Variants in OXR1 observed in about 807,000 individuals in gnomAD.
The protein encoded by OXR1 is oxidation resistance 1, also known as oxidation resistance protein 1.
OXR1 carries 41 observed loss-of-function variants against 104.6 expected under a neutral mutation model. That is an observed-to-expected ratio of 0.39 (90% CI 0.31 to 0.51). The LOEUF (loss-of-function observed/expected upper bound fraction) is 0.51. OXR1 is among the 20% of genes least tolerant of loss of function. The pLI, the probability that OXR1 is intolerant of heterozygous loss-of-function variation, is 0.77. For missense variants in OXR1, 955 were observed against 1,031.9 expected, an observed-to-expected ratio of 0.93 and a Z score of 1.02; for synonymous variants, 348 against 348.4, an observed-to-expected ratio of 1.00 and a Z score of 0.01.
intron 3 of OXR1, among the ~76,000 whole-genome samples, chr8:106,663,909 G>A (rs960813729): frequency 6.6e-6 from 1 of 152,074 alleles, no homozygotes; most frequent in African/African-American, 2.4e-5. Context: ...TAAGAGACCT[G>A]GAGTGTACCA....
At chr8:106,593,223 G>T (rs1470489345) in intron 3 of OXR1, among the ~76,000 whole-genome samples, 2 of 152,072 alleles carry the variant, frequency 1.3e-5, no homozygotes, top group African/African-American at 4.8e-5. Flanking sequence ...GGACTTTCAG[G>T]CCATCCTGTA....
At chr8:106,399,462 A>G (rs1293064868) in intron 2 of OXR1, among the ~76,000 whole-genome samples, 1 of 152,128 alleles carries the variant, frequency 6.6e-6, no homozygotes. Context: ...TACCTCATCC[A>G]ATATATTATA....
Position 106,386,633 on chromosome 8 carries a change from C to A in OXR1, c.23+26997C>A, listed in dbSNP as rs570313878. 2.2e-4 allele frequency among the ~76,000 whole-genome samples: 34 copies of A among 152,298 alleles called. No homozygotes were observed. The South Asian group carries it at 5.8e-3, about 26-fold the overall frequency. On this transcript the variant is annotated intron_variant, in intron 2 of 16. Coordinates refer to ENST00000517566, the MANE Select transcript of OXR1 (RefSeq NM_001198533.2). ...GTCTTTGTTTTTCTTCTCCTGCCCT[C>A]CTCCAACCCCTAAGTCAAGGGGAAA...
intron 7 of OXR1, chr8:106,697,299 A>C: frequency 3.9e-6 from 3 of 764,230 alleles, no homozygotes; most frequent in Non-Finnish European, 6.5e-6. Flanking sequence ...GACAGGCTGA[A>C]CCCCTCACCC....
intron 1 of OXR1, among the ~76,000 whole-genome samples, chr8:106,343,727 T>C (rs1815352703): frequency 1.3e-5 from 2 of 152,232 alleles, no homozygotes; most frequent in African/African-American, 4.8e-5. Flanking sequence ...AAACTCTTGC[T>C]GGAAGAATGG....
chr8:106,590,216 T>G (rs1443404956), intron 3 of OXR1, among the ~76,000 whole-genome samples: 1 of 152,244 alleles, frequency 6.6e-6, no homozygotes, highest in Non-Finnish European at 1.5e-5. Context: ...AAATCAGTTA[T>G]TAATATTATT....
intron 1 of OXR1, among the ~76,000 whole-genome samples, chr8:106,331,997 AGTGTGTGTGTGTGTGT>A (rs3073756): frequency 6.5e-5 from 9 of 138,170 alleles, no homozygotes; most frequent in Admixed American, 2.2e-4. Context: ...GAAAGAACAT[AGTGTGTGTGTGTGTGT>A]GTGTGTGTGT....
intron 2 of OXR1, among the ~76,000 whole-genome samples, chr8:106,416,950 A>G (rs1163041983): frequency 2.0e-5 from 3 of 152,144 alleles, no homozygotes; most frequent in Non-Finnish European, 4.4e-5. Context: ...TGACTCAGGA[A>G]TTATCAAGTT....
At chr8:106,452,807 T>C (rs1270229287) in intron 2 of OXR1, among the ~76,000 whole-genome samples, 1 of 152,130 alleles carries the variant, frequency 6.6e-6, no homozygotes, top group African/African-American at 2.4e-5. Flanking sequence ...CAATTTACAG[T>C]ACATTTTAAG....
chr8:106,538,757 T>C (rs896974687), intron 3 of OXR1, among the ~76,000 whole-genome samples: 2 of 151,528 alleles, frequency 1.3e-5, no homozygotes, highest in East Asian at 3.9e-4. Context: ...GTGAATAGCA[T>C]AAAAACAGGC....
intron 3 of OXR1, among the ~76,000 whole-genome samples, chr8:106,579,279 G>C (rs1818073528): frequency 6.6e-6 from 1 of 152,072 alleles, no homozygotes; most frequent in Non-Finnish European, 1.5e-5. Flanking sequence ...TCCTGTAATT[G>C]CTAGTGTTTG....
At chr8:106,436,960 A>G (rs1276193357) in intron 2 of OXR1, among the ~76,000 whole-genome samples, 1 of 152,156 alleles carries the variant, frequency 6.6e-6, no homozygotes. Flanking sequence ...ACCTTCCCCA[A>G]AAAGAAAGGG....
intron 2 of OXR1, among the ~76,000 whole-genome samples, chr8:106,466,800 A>G (rs1821194369): frequency 6.6e-6 from 1 of 151,900 alleles, no homozygotes; most frequent in African/African-American, 2.4e-5. Context: ...ATATCCTCAT[A>G]ATGGATATTG....
At chr8:106,458,695 AG>A (rs1276592367) in intron 2 of OXR1, among the ~76,000 whole-genome samples, 1 of 152,074 alleles carries the variant, frequency 6.6e-6, no homozygotes, top group Non-Finnish European at 1.5e-5. Context: ...GCAGTCCCAC[AG>A]GGGTGGGACT....
In OXR1 at chr8:106,288,544, A is replaced by G. The variant is rs13265128; in HGVS notation, c.-139+18177A>G. Among the ~76,000 whole-genome samples the G allele has an allele frequency of 6.7e-3, 670 of 100,560 alleles. 5 individuals are homozygous for G. Among genetic ancestry groups the G allele is most frequent in the African/African-American group, 0.026 (568 of 22,156 alleles). 66.0% of individuals were successfully genotyped at this position (100,560 alleles called of 152,430 possible). A position where few individuals can be genotyped will look rare whatever the true frequency, so the allele number is the denominator to read the frequency against. Reference sequence around the variant, plus strand: ...TATATATATGTATGTGTGTGTGTGTATATATATATAGTGTGTATATATATG... The same window carrying G: ...TATATATATGTATGTGTGTGTGTGTGTATATATATAGTGTGTATATATATG... On this transcript the variant is annotated intron_variant, in intron 1 of 16. Coordinates refer to ENST00000517566, the MANE Select transcript of OXR1 (RefSeq NM_001198533.2).
intron 7 of OXR1, among the ~76,000 whole-genome samples, chr8:106,701,286 A>C (rs546371543): frequency 7.9e-5 from 12 of 152,168 alleles, no homozygotes; most frequent in Non-Finnish European, 1.6e-4. Context: ...CTTCTCTCCA[A>C]TATTGTGTGC....
intron 3 of OXR1, chr8:106,657,779 C>G (rs1825264591): frequency 1.7e-6 from 2 of 1,177,662 alleles, no homozygotes; most frequent in South Asian, 8.9e-5. Context: ...TTTTGTCCGT[C>G]TTTTGCTCCC....
Position 106,750,051 on chromosome 8 carries a change from C to T in OXR1, c.2487-755C>T, listed in dbSNP as rs559228921. Among the ~76,000 whole-genome samples the T allele has an allele frequency of 2.0e-5, 3 of 151,806 alleles. No homozygotes were observed. In the East Asian group the frequency reaches 5.8e-4, roughly 29 times the overall value. ...CCAGAGTTATTTACTAGGTCCTTAA[C>T]ATGAATCCCCAAATTTTATTTTAGA... On this transcript the variant is annotated intron_variant, in intron 16 of 16. Coordinates refer to ENST00000517566, the MANE Select transcript of OXR1 (RefSeq NM_001198533.2).
At chr8:106,442,698 T>C (rs1212006420) in intron 2 of OXR1, among the ~76,000 whole-genome samples, 1 of 152,222 alleles carries the variant, frequency 6.6e-6, no homozygotes, top group Non-Finnish European at 1.5e-5. Flanking sequence ...TCTAGTTTAT[T>C]TGCATAGAAG....
Sources: gnomAD v4.1 joint callset for allele counts (sites outside exome capture counted in the v4.1 genomes callset) on GRCh38, gnomAD v4.1.1 for gene constraint, MANE v1.5 for transcripts, NCBI Gene and HGNC (gene_info 2026-07-23, HGNC 2026-07-21) for gene names.